The following THSD4 variants were observed in gnomAD, a reference collection of about 807,000 sequenced individuals.
THSD4 encodes thrombospondin type-1 domain-containing protein 4.
In THSD4, 69 loss-of-function variants were observed where a neutral mutation model predicts 119.0. That is an observed-to-expected ratio of 0.58 (90% CI 0.48 to 0.71). The LOEUF is 0.71. Ranked by LOEUF, THSD4 falls within the 30% of genes least tolerant of loss-of-function variation. The pLI, the probability that THSD4 is intolerant of heterozygous loss-of-function variation, is 0.00. For synonymous variants in THSD4, 524 were observed against 540.4 expected (o/e 0.97, Z 0.42); for missense variants, 1,393 against 1,391.1 (o/e 1.00, Z -0.02).
At chr15:71,775,468 G>A (rs181366928) in intron 17 of THSD4, among the ~76,000 whole-genome samples, 182 of 152,206 alleles carry the variant, frequency 1.2e-3, no homozygotes, top group African/African-American at 4.2e-3. Context: ...TCAGCACTTC[G>A]GGAGGCCAAG....
intron 3 of THSD4, among the ~76,000 whole-genome samples, chr15:71,168,527 G>A (rs987525357): frequency 2.6e-5 from 4 of 152,022 alleles, no homozygotes; most frequent in Non-Finnish European, 5.9e-5. Context: ...TCATTGTCAC[G>A]GCCACCAGCC....
chr15:71,579,256 A>G (rs1347320410), intron 7 of THSD4, among the ~76,000 whole-genome samples: 5 of 152,356 alleles, frequency 3.3e-5, no homozygotes, highest in Middle Eastern at 3.4e-3. Context: ...TGTATTCTCC[A>G]TAACAGCTGG....
At chr15:71,741,717 ACACACACACACT>A (rs1298858198) in intron 11 of THSD4, among the ~76,000 whole-genome samples, 1 of 140,370 alleles carries the variant, frequency 7.1e-6, no homozygotes, top group Non-Finnish European at 1.6e-5. Flanking sequence ...ACACACACAC[ACACACACACACT>A]CGGCATCTGC....
At chr15:71,708,435 T>C (rs531311223) in intron 8 of THSD4, among the ~76,000 whole-genome samples, 1 of 152,250 alleles carries the variant, frequency 6.6e-6, no homozygotes, top group South Asian at 2.1e-4. Flanking sequence ...AATGAAGACC[T>C]GTAGTAGGGT....
intron 7 of THSD4, among the ~76,000 whole-genome samples, chr15:71,432,741 GTTTTA>G (rs1025985923): frequency 4.6e-5 from 7 of 151,762 alleles, no homozygotes; most frequent in East Asian, 3.9e-4. Flanking sequence ...ACCTCTTAAA[GTTTTA>G]TTTTATTCTT....
intron 7 of THSD4, among the ~76,000 whole-genome samples, chr15:71,506,683 A>G (rs1204336134): frequency 6.6e-6 from 1 of 151,484 alleles, no homozygotes; most frequent in Non-Finnish European, 1.5e-5. Context: ...ATTGTATCCC[A>G]CAATTCCATT....
intron 6 of THSD4, among the ~76,000 whole-genome samples, chr15:71,408,709 G>C (rs2046641353): frequency 1.3e-5 from 2 of 152,088 alleles, no homozygotes; most frequent in African/African-American, 4.8e-5. Flanking sequence ...ACAATTAGCT[G>C]GGTGTGGTGG....
At chr15:71,370,905 T>C (rs1267109362) in intron 6 of THSD4, among the ~76,000 whole-genome samples, 2 of 152,206 alleles carry the variant, frequency 1.3e-5, no homozygotes, top group Admixed American at 1.3e-4. Context: ...TATTATTGTG[T>C]GGGAGTCTAA....
chr15:71,709,689 G>A (rs2052469017), intron 8 of THSD4, among the ~76,000 whole-genome samples: 1 of 152,186 alleles, frequency 6.6e-6, no homozygotes, highest in Admixed American at 6.5e-5. Flanking sequence ...TTCCAGGGAA[G>A]AGTAAGAGCA....
rs553670842 is a variant in THSD4, at chr15:71,630,457, A to G, written c.1153-30073A>G. 2.6e-5 allele frequency among the ~76,000 whole-genome samples: 4 copies of G among 152,350 alleles called. No homozygotes were observed. The East Asian group carries it at 7.7e-4, about 29-fold the overall frequency. On this transcript the variant is annotated intron_variant, in intron 7 of 17. Transcript: ENST00000261862. ...ACCCCCAATTTTGGGGTTTCTTGTCATGCTTTCCTCAAAAACTTTCTTTAT... is the reference window on the plus strand; with the variant it reads ...ACCCCCAATTTTGGGGTTTCTTGTCGTGCTTTCCTCAAAAACTTTCTTTAT...
At chr15:71,117,338 G>A (rs1346545422) in intron 1 of THSD4, among the ~76,000 whole-genome samples, 1 of 152,158 alleles carries the variant, frequency 6.6e-6, no homozygotes, top group Non-Finnish European at 1.5e-5. Context: ...TTGACTTGGA[G>A]TTTGTTTTTG....
intron 6 of THSD4, among the ~76,000 whole-genome samples, chr15:71,351,740 A>G (rs898370092): frequency 1.3e-5 from 2 of 152,174 alleles, no homozygotes; most frequent in African/African-American, 2.4e-5. Context: ...ATGGTTCTCT[A>G]TGGCCAGATT....
intron 7 of THSD4, among the ~76,000 whole-genome samples, chr15:71,560,734 A>G (rs1567036874): frequency 6.6e-6 from 1 of 152,170 alleles, no homozygotes; most frequent in Non-Finnish European, 1.5e-5. Flanking sequence ...CTTAGGTTCT[A>G]CTAGAAGTAA....
At chr15:71,223,258 G>A (rs559404726) in intron 4 of THSD4, among the ~76,000 whole-genome samples, 9 of 152,304 alleles carry the variant, frequency 5.9e-5, no homozygotes, top group African/African-American at 2.2e-4. Flanking sequence ...AAGCCTGTGC[G>A]ACATCATGCT....
chr15:71,299,960 CA>C (rs141320911), intron 6 of THSD4, among the ~76,000 whole-genome samples: 9,941 of 108,146 alleles, frequency 0.092, 421 homozygotes, highest in Non-Finnish European at 0.12. Flanking sequence ...CTGTCTCTAC[CA>C]AAAAAAAAAA....
chr15:71,727,220 T>G (rs2052859010), intron 8 of THSD4, among the ~76,000 whole-genome samples: 1 of 152,056 alleles, frequency 6.6e-6, no homozygotes, highest in Non-Finnish European at 1.5e-5. Flanking sequence ...CTGTGCAATG[T>G]TGTGACGATT....
chr15:71,232,434 C>A (rs570834073), intron 4 of THSD4, among the ~76,000 whole-genome samples: 16 of 152,132 alleles, frequency 1.1e-4, no homozygotes, highest in Non-Finnish European at 2.2e-4. Flanking sequence ...CAATAAGAAA[C>A]AGGGAGCATA....
rs577568487 is a variant in THSD4 at position 71,627,611 on chromosome 15, G to A, written c.1153-32919G>A. Among the ~76,000 whole-genome samples the A allele has an allele frequency of 7.9e-5, 12 of 152,326 alleles. No homozygotes were observed. In the South Asian group the frequency reaches 2.5e-3, roughly 32 times the overall value. The stretch of plus-strand genomic sequence containing the variant: ...CAGAAATCTCATATGAGGACCGCCT[G>A]TTGGATCTGAGCTGGAAATGACAGT... On this transcript the variant is annotated intron_variant, in intron 7 of 17. Coordinates refer to ENST00000261862, the MANE Select transcript of THSD4 (RefSeq NM_024817.3).
At chr15:71,172,377 G>A (rs899560120) in intron 3 of THSD4, among the ~76,000 whole-genome samples, 12 of 151,772 alleles carry the variant, frequency 7.9e-5, no homozygotes, top group Admixed American at 1.3e-4. Context: ...GATGTTTATG[G>A]TTCAAGAAAC....
Sources: allele counts gnomAD v4.1 joint callset (sites outside exome capture counted in the v4.1 genomes callset), GRCh38; gene constraint gnomAD v4.1.1; transcripts MANE v1.5; gene names NCBI Gene and HGNC (gene_info 2026-07-23, HGNC 2026-07-21).